The following TMOD1 variants were observed in gnomAD, a reference collection of about 807,000 sequenced individuals.
The protein encoded by TMOD1 is tropomodulin 1, also known as tropomodulin-1.
Under a neutral mutation model 40.6 loss-of-function variants are expected in TMOD1, and 17 were observed. That is an observed-to-expected ratio of 0.42 (90% CI 0.29 to 0.63). The LOEUF (loss-of-function observed/expected upper bound fraction) is 0.63, where lower values mean the gene tolerates loss of function less well. Among genes scored for constraint, TMOD1 ranks in the 20% least tolerant of loss-of-function variants. The probability of loss-of-function intolerance (pLI) is 0.22; values close to 1 mark genes in which losing one functional copy is unlikely to be tolerated. For missense variants in TMOD1, 391 were observed against 447.6 expected, an observed-to-expected ratio of 0.87 and a Z score of 1.14; for synonymous variants, 181 against 175.0, an observed-to-expected ratio of 1.03 and a Z score of -0.27.
chr9:97,503,626 T>G (rs1829540320), intron 1 of TMOD1, among the ~76,000 whole-genome samples: 1 of 152,188 alleles, frequency 6.6e-6, no homozygotes, highest in Non-Finnish European at 1.5e-5. Flanking sequence ...AAAGCCAGTG[T>G]CCTCTAAAAA....
intron 9 of TMOD1, among the ~76,000 whole-genome samples, chr9:97,598,952 A>G (rs554491758): frequency 4.4e-4 from 67 of 152,272 alleles, no homozygotes; most frequent in African/African-American, 1.6e-3. Context: ...AGACACTACA[A>G]TTAATTTCAA....
intron 4 of TMOD1, among the ~76,000 whole-genome samples, chr9:97,553,698 C>T (rs942961405): frequency 1.3e-4 from 20 of 152,110 alleles, no homozygotes; most frequent in Middle Eastern, 3.2e-3. Flanking sequence ...CAGCCATTAG[C>T]GTTGAATCCT....
intron 2 of TMOD1, among the ~76,000 whole-genome samples, chr9:97,542,402 T>C (rs1830287390): frequency 6.6e-6 from 1 of 152,240 alleles, no homozygotes; most frequent in African/African-American, 2.4e-5. Flanking sequence ...AATCAACTGC[T>C]TTCAATAAAG....
chr9:97,580,107 G>A (rs1454795468), intron 8 of TMOD1, among the ~76,000 whole-genome samples: 1 of 152,144 alleles, frequency 6.6e-6, no homozygotes, highest in Non-Finnish European at 1.5e-5. Flanking sequence ...GTGTCCTGTT[G>A]GCTTAGTGAG....
Position 97,524,271 on chromosome 9 carries a change from G to C in TMOD1, c.83G>C (p.Arg28Thr). 6.2e-7 allele frequency: 1 copy of C among 1,614,136 alleles called. No individual in the cohort carries two copies. Among genetic ancestry groups the C allele is most frequent in the Non-Finnish European group, 8.5e-7 (1 of 1,180,014 alleles). ...GGAGCCCTAACAGAGGAAGAGCTGA[G>C]GACCCTGGAAAATGAGCTGGATGAG... ...ILGALTEEELRTLENELDELD... is the reference protein window; with the variant it reads ...ILGALTEEELTTLENELDELD... Residue 28 changes from arginine to threonine, a missense_variant, in exon 2 of 10, where the codon AGG (arginine) becomes ACG (threonine). Coordinates refer to ENST00000259365, the MANE Select transcript of TMOD1 (RefSeq NM_003275.4).
At chr9:97,580,658 G>A (rs1434332339) in intron 8 of TMOD1, among the ~76,000 whole-genome samples, 1 of 142,022 alleles carries the variant, frequency 7.0e-6, no homozygotes, top group Non-Finnish European at 1.6e-5. Context: ...GGGAGGGAGG[G>A]AACAGAGAGA....
rs550853544 is a variant in TMOD1 at position 97,589,103 on chromosome 9, G to A, written c.871-2188G>A. On this transcript the variant is annotated intron_variant, in intron 8 of 9. Transcript: ENST00000259365. Reference sequence around the variant, plus strand: ...CTGCACTCCAGCCTGAACAACAAGAGTGAGACTCTGTCTCAAAAAAAAAAA... The same window carrying A: ...CTGCACTCCAGCCTGAACAACAAGAATGAGACTCTGTCTCAAAAAAAAAAA... Among the ~76,000 whole-genome samples the A allele has an allele frequency of 1.4e-3, 182 of 132,470 alleles. 2 individuals carry two copies. The highest frequency in any genetic ancestry group is 5.1e-3 in the African/African-American group (174 of 34,448). 86.9% of individuals were successfully genotyped at this position (132,470 alleles called of 152,430 possible). A position where few individuals can be genotyped will look rare whatever the true frequency, so the allele number is the denominator to read the frequency against.
intron 3 of TMOD1, among the ~76,000 whole-genome samples, chr9:97,552,886 ATTTG>A (rs1830475165): frequency 6.6e-6 from 1 of 152,130 alleles, no homozygotes; most frequent in South Asian, 2.1e-4. Context: ...TTCATATTTT[ATTTG>A]TTTGTTTAGA....
At chr9:97,563,312 C>A (rs1176477985) in intron 5 of TMOD1, among the ~76,000 whole-genome samples, 1 of 152,184 alleles carries the variant, frequency 6.6e-6, no homozygotes, top group Non-Finnish European at 1.5e-5. Flanking sequence ...CTCAGCCTCC[C>A]AAAGTGCTGG....
intron 9 of TMOD1, among the ~76,000 whole-genome samples, chr9:97,598,126 C>T (rs1261763435): frequency 1.3e-5 from 2 of 151,908 alleles, no homozygotes; most frequent in Non-Finnish European, 2.9e-5. Flanking sequence ...GTCAGGAATT[C>T]GAGACCAGCC....
At chr9:97,524,058 C>A in intron 1 of TMOD1, 83 bp from the exon 2 acceptor site, 2 of 998,060 alleles carry the variant, frequency 2.0e-6, no homozygotes, top group Non-Finnish European at 2.9e-6. Context: ...GTACCCAGGC[C>A]GCTGTGTGAA....
At chr9:97,553,574 T>C (rs907150682) in intron 4 of TMOD1, among the ~76,000 whole-genome samples, 174 bp downstream of exon 4, 1 of 151,732 alleles carries the variant, frequency 6.6e-6, no homozygotes, top group Non-Finnish European at 1.5e-5. Context: ...ACAAGGAAAA[T>C]AGAGAGAAAA....
At chr9:97,550,224 C>T (rs1192698103) in intron 3 of TMOD1, among the ~76,000 whole-genome samples, 2 of 152,186 alleles carry the variant, frequency 1.3e-5, no homozygotes, top group Admixed American at 6.5e-5. Context: ...GTGCTTTATT[C>T]CTTTTTATAC....
rs1278727898 is a variant in TMOD1 at position 97,557,327 on chromosome 9, A to G, written c.397+3927A>G. 6.6e-6 allele frequency among the ~76,000 whole-genome samples: 1 copy of G among 152,150 alleles called. No individual in the cohort carries two copies. The highest frequency in any genetic ancestry group is 1.9e-4 in the East Asian group (1 of 5,180). On this transcript the variant is annotated intron_variant, in intron 4 of 9. Transcript: ENST00000259365. The surrounding 1 kb of genome is among the most constrained non-coding windows in gnomAD (Gnocchi z 4.4). ...GAGTCAGCAAGCACTTGTAATTCGCAGTGCCTCCCCTGCCCACTCAGGGAG... is the reference window on the plus strand; with the variant it reads ...GAGTCAGCAAGCACTTGTAATTCGCGGTGCCTCCCCTGCCCACTCAGGGAG...
chr9:97,512,379 T>C (rs538314919), intron 1 of TMOD1, among the ~76,000 whole-genome samples: 1 of 152,302 alleles, frequency 6.6e-6, no homozygotes, highest in African/African-American at 2.4e-5. Context: ...ACTAAACATA[T>C]GCCCACTCTA....
At chr9:97,530,489 G>GTT (rs1339339559) in intron 2 of TMOD1, among the ~76,000 whole-genome samples, 16 of 140,002 alleles carry the variant, frequency 1.1e-4, no homozygotes, top group Admixed American at 1.4e-4. Context: ...CTACTGAGGA[G>GTT]TTTTTTTTTT....
At chr9:97,561,373 G>A (rs1039281192) in intron 4 of TMOD1, among the ~76,000 whole-genome samples, 1 of 152,160 alleles carries the variant, frequency 6.6e-6, no homozygotes, top group Non-Finnish European at 1.5e-5. Flanking sequence ...TCAGGCAATG[G>A]TTCTCAACCT....
intron 1 of TMOD1, among the ~76,000 whole-genome samples, chr9:97,503,784 T>C (rs1829542556): frequency 6.6e-6 from 1 of 152,154 alleles, no homozygotes; most frequent in African/African-American, 2.4e-5. Flanking sequence ...GGTTAGGATA[T>C]CTGGCTCCAG....
intron 4 of TMOD1, among the ~76,000 whole-genome samples, chr9:97,554,680 G>A (rs1041654496): frequency 2.6e-5 from 4 of 152,256 alleles, no homozygotes; most frequent in Admixed American, 2.6e-4. Flanking sequence ...GAGACAGAGT[G>A]AGGGTTCAGG....
Sources: gnomAD v4.1 joint callset for allele counts (sites outside exome capture counted in the v4.1 genomes callset) on GRCh38, gnomAD v4.1.1 for gene constraint, Gnocchi (gnomAD v3.1) non-coding constraint, MANE v1.5 for transcripts, NCBI Gene and HGNC (gene_info 2026-07-23, HGNC 2026-07-21) for gene names.